LCP1: variants seen among roughly 807,000 people sequenced by gnomAD.
LCP1 encodes lymphocyte cytosolic protein 1.
LCP1 carries 23 observed loss-of-function variants against 72.0 expected under a neutral mutation model. The observed-to-expected ratio is 0.32, with a 90% CI of 0.23 to 0.45. The LOEUF is 0.45. LCP1 is among the 20% of genes least tolerant of loss of function. The pLI is 1.00. For missense variants in LCP1, 571 were observed against 748.3 expected (o/e 0.76, Z 2.76); for synonymous variants, 245 against 275.4 (o/e 0.89, Z 1.09).
Position 46,176,744 on chromosome 13 carries a change from A to C in LCP1, c.-25+5367T>G, listed in dbSNP as rs1411372130. ...GAGATTGCAATTCACATGCATAATT[A>C]ATCTGCTTGCTGAATTTGGTGTCAG... On this transcript the variant is annotated intron_variant, in intron 1 of 15. Transcript: ENST00000323076. 4.6e-5 allele frequency among the ~76,000 whole-genome samples: 7 copies of C among 152,360 alleles called. No homozygotes were observed. In the East Asian group the frequency reaches 1.3e-3, roughly 29 times the overall value.
chr13:46,144,314 C>T (rs1367830559), intron 11 of LCP1, 128 bp downstream of exon 11: 2 of 704,122 alleles, frequency 2.8e-6, no homozygotes, highest in Non-Finnish European at 4.9e-6. Flanking sequence ...CTCAACTTGG[C>T]ACTTTTTCCC....
chr13:46,138,874 C>T (rs760474080), intron 13 of LCP1, among the ~76,000 whole-genome samples: 5 of 151,930 alleles, frequency 3.3e-5, no homozygotes, highest in African/African-American at 1.2e-4. Flanking sequence ...CTCAAACTCC[C>T]GACCTCAGGT....
At chr13:46,164,083 A>G (rs756754859) in intron 1 of LCP1, among the ~76,000 whole-genome samples, 1 of 152,248 alleles carries the variant, frequency 6.6e-6, no homozygotes, top group Non-Finnish European at 1.5e-5. Context: ...CCAGTTAGTT[A>G]TCCTGAAAGC....
Position 46,152,894 on chromosome 13 carries a change from C to T in LCP1, c.625G>A (p.Val209Ile), listed in dbSNP as rs768956469. ...TTCAGGTCCTCAGCCCCTATGTTGA[C>T]CACATGGCACCCGATGGCTGAGGCA... ...NSASAIGCHV[V>I]NIGAEDLKEG... is the part of the protein sequence containing the mutation. The change falls in exon 7 of 16, where the codon GTC (valine) becomes ATC (isoleucine). Residue 209 changes from valine to isoleucine, a missense_variant. Transcript: ENST00000323076. The T allele has an allele frequency of 4.3e-6, 7 of 1,613,924 alleles. No individual in the cohort carries two copies. The highest frequency in any genetic ancestry group is 2.2e-5 in the East Asian group (1 of 44,892).
intron 13 of LCP1, among the ~76,000 whole-genome samples, chr13:46,138,692 G>C (rs1278232167): frequency 3.3e-5 from 5 of 152,160 alleles, no homozygotes; most frequent in African/African-American, 1.2e-4. Flanking sequence ...CGTCACCCAG[G>C]CTGGAGTGCA....
intron 7 of LCP1, among the ~76,000 whole-genome samples, chr13:46,151,950 A>G (rs986619920): frequency 3.9e-5 from 6 of 152,358 alleles, no homozygotes; most frequent in Admixed American, 3.3e-4. Context: ...AGAAGACGCA[A>G]TAAGATTGAC....
chr13:46,171,251 A>G (rs186517333), intron 1 of LCP1, among the ~76,000 whole-genome samples: 1 of 152,348 alleles, frequency 6.6e-6, no homozygotes, highest in Admixed American at 6.5e-5. Context: ...TCGCACAGCT[A>G]TAAACTGGAG....
intron 8 of LCP1, chr13:46,148,821 T>TA (rs1394907727): frequency 1.1e-4 from 102 of 908,294 alleles, no homozygotes; most frequent in Non-Finnish European, 1.3e-4. Flanking sequence ...AAGGTTTAAT[T>TA]AAAAAAAAGT....
Position 46,158,870 on chromosome 13 carries a change from C to A in LCP1, c.184G>T (p.Asp62Tyr), listed in dbSNP as rs765742403. 17 of 1,614,166 alleles carry A rather than the reference C, an allele frequency of 1.1e-5. No individual in the cohort carries two copies. Among genetic ancestry groups the A allele is most frequent in the Non-Finnish European group, 1.4e-5 (16 of 1,180,014 alleles). The change falls in exon 3 of 16, where the codon GAT becomes TAT. Residue 62 changes from aspartate (D) to tyrosine (Y), a missense_variant. By Grantham distance (160) the Asp-to-Tyr change is radical. Coordinates refer to ENST00000323076, the MANE Select transcript of LCP1 (RefSeq NM_002298.5). ...EITENLMATGDLDQDGRISFD... is the reference protein window; with the variant it reads ...EITENLMATGYLDQDGRISFD... Reference sequence around the variant, plus strand: ...CTGATCCTTCCATCTTGGTCCAGATCACCTGTAGCCATCAGGTTTTCTGTA... The same window carrying A: ...CTGATCCTTCCATCTTGGTCCAGATAACCTGTAGCCATCAGGTTTTCTGTA...
chr13:46,127,468 G>C lies in LCP1; in HGVS notation c.*123C>G. 1 of 1,289,560 alleles carries C rather than the reference G, an allele frequency of 7.8e-7. No homozygotes were observed. The highest frequency in any genetic ancestry group is 1.1e-6 in the Non-Finnish European group (1 of 934,634). The allele number at this position is 1,289,560 out of a possible 1,614,324, so 79.9% of individuals were successfully genotyped here. A position where few individuals can be genotyped will look rare whatever the true frequency, so the allele number is the denominator to read the frequency against. The stretch of plus-strand genomic sequence containing the variant: ...AGGCTACTTGGCTGCACTAATATGT[G>C]CTTTTTGGAATCTTATAGAGTGTCA... On this transcript the variant is annotated 3_prime_UTR_variant, in exon 16 of 16. Transcript: ENST00000323076.
chr13:46,157,601 A>G (rs138646280), intron 4 of LCP1, among the ~76,000 whole-genome samples: 1 of 152,314 alleles, frequency 6.6e-6, no homozygotes, highest in African/African-American at 2.4e-5. Flanking sequence ...TTTGGGAAAT[A>G]CTGTGTAGTG....
intron 10 of LCP1, among the ~76,000 whole-genome samples, chr13:46,146,561 T>C (rs373799133): frequency 4.6e-5 from 7 of 152,332 alleles, no homozygotes; most frequent in African/African-American, 1.7e-4. Flanking sequence ...ATGGTGGCAA[T>C]TTCTTGTCTC....
intron 9 of LCP1, among the ~76,000 whole-genome samples, chr13:46,147,334 A>T (rs537872642): frequency 6.6e-6 from 1 of 152,344 alleles, no homozygotes; most frequent in African/African-American, 2.4e-5. Flanking sequence ...CCTTTATCAA[A>T]CTATTTCAGA....
chr13:46,172,017 G>A (rs2045907133), intron 1 of LCP1, among the ~76,000 whole-genome samples: 1 of 152,242 alleles, frequency 6.6e-6, no homozygotes, highest in Non-Finnish European at 1.5e-5. Flanking sequence ...AGTACCGAGG[G>A]GGTTACTGGA....
intron 13 of LCP1, among the ~76,000 whole-genome samples, chr13:46,137,161 A>G (rs2045669616): frequency 6.6e-6 from 1 of 151,766 alleles, no homozygotes; most frequent in Non-Finnish European, 1.5e-5. Context: ...CTCAACTGAG[A>G]TGCAGAGGTT....
chr13:46,167,348 C>T (rs1163107421), intron 1 of LCP1, among the ~76,000 whole-genome samples: 3 of 152,160 alleles, frequency 2.0e-5, no homozygotes, highest in Non-Finnish European at 2.9e-5. Context: ...CTGGCTCTGT[C>T]GCCAGCTAAG....
intron 10 of LCP1, among the ~76,000 whole-genome samples, chr13:46,145,361 A>C (rs2045723286): frequency 6.6e-6 from 1 of 152,186 alleles, no homozygotes; most frequent in Non-Finnish European, 1.5e-5. Context: ...TGACATTAGC[A>C]TGTGGGATAC....
intron 9 of LCP1, among the ~76,000 whole-genome samples, chr13:46,147,640 A>C (rs2045739019): frequency 6.6e-6 from 1 of 152,192 alleles, no homozygotes; most frequent in Admixed American, 6.5e-5. Flanking sequence ...CCTATGTATT[A>C]TTATTGATAA....
At chr13:46,133,310 AC>A (rs1217501196) in intron 14 of LCP1, among the ~76,000 whole-genome samples, 11 of 152,192 alleles carry the variant, frequency 7.2e-5, no homozygotes, top group Non-Finnish European at 1.6e-4. Context: ...GGAACTAAGC[AC>A]TGAGTACACA....
Sources: gnomAD v4.1 joint callset for allele counts (sites outside exome capture counted in the v4.1 genomes callset) on GRCh38, gnomAD v4.1.1 for gene constraint, MANE v1.5 for transcripts, NCBI Gene and HGNC (gene_info 2026-07-23, HGNC 2026-07-21) for gene names.